PHACTR1: variants seen among roughly 807,000 people sequenced by gnomAD.
PHACTR1 encodes the protein phosphatase and actin regulator 1.
Under a neutral mutation model 69.2 loss-of-function variants are expected in PHACTR1, and 16 were observed. The observed-to-expected ratio is 0.23, with a 90% CI of 0.16 to 0.35. The LOEUF (loss-of-function observed/expected upper bound fraction) is 0.35. PHACTR1 is among the 10% of genes least tolerant of loss of function. The pLI, the probability that PHACTR1 is intolerant of heterozygous loss-of-function variation, is 1.00. For missense variants in PHACTR1, 510 were observed against 734.7 expected (o/e 0.69, Z 3.54); for synonymous variants, 312 against 284.5 (o/e 1.10, Z -0.97).
Position 13,205,982 on chromosome 6 carries a change from GTCCTGCCCTCCCAGATCCAGCACCA to G in PHACTR1, c.833_857del (p.Val278GlyfsTer27), listed in dbSNP as rs1466494353. The G allele has an allele frequency of 1.9e-6, 3 of 1,613,894 alleles. No homozygotes were observed. Among genetic ancestry groups the G allele is most frequent in the African/African-American group, 1.3e-5 (1 of 74,922 alleles). ...GGGTGTGGCCCAGCACCACCACACTGTCCTGCCCTCCCAGATCCAGCACCAGCTGCAGTACGGCAGCCACGGCCAG... is the reference window on the plus strand; with the variant it reads ...GGGTGTGGCCCAGCACCACCACACTGGCTGCAGTACGGCAGCCACGGCCAG... On this transcript the variant is annotated frameshift_variant, in exon 8 of 15. Transcript: ENST00000332995. LOFTEE classifies it high-confidence loss of function.
chr6:12,804,445 G>A (rs907646349), intron 4 of PHACTR1, among the ~76,000 whole-genome samples: 2 of 152,146 alleles, frequency 1.3e-5, no homozygotes, highest in African/African-American at 4.8e-5. Context: ...CACCTGAAAA[G>A]GTACAATTCA....
chr6:12,860,679 G>A (rs1780850597), intron 4 of PHACTR1, among the ~76,000 whole-genome samples: 1 of 152,082 alleles, frequency 6.6e-6, no homozygotes, highest in African/African-American at 2.4e-5. Context: ...ACTTTTTAAT[G>A]ATCGCCATTC....
chr6:13,219,155 C>G (rs367930915), intron 8 of PHACTR1, among the ~76,000 whole-genome samples: 2 of 152,284 alleles, frequency 1.3e-5, no homozygotes, highest in South Asian at 4.2e-4. Flanking sequence ...CTTTTATTGA[C>G]TCGGGACTGC....
chr6:13,037,315 C>T (rs899392348), intron 4 of PHACTR1, among the ~76,000 whole-genome samples: 3 of 152,152 alleles, frequency 2.0e-5, no homozygotes, highest in African/African-American at 7.2e-5. Context: ...GGCACCCCCC[C>T]AAACTCCCCA....
At chr6:13,028,705 C>T (rs943663471) in intron 4 of PHACTR1, among the ~76,000 whole-genome samples, 30 of 152,194 alleles carry the variant, frequency 2.0e-4, no homozygotes, top group African/African-American at 5.3e-4. Context: ...ATGCCAGTAG[C>T]ACCCACCTCC....
chr6:13,125,122 G>A (rs1432735259), intron 5 of PHACTR1, among the ~76,000 whole-genome samples: 3 of 152,174 alleles, frequency 2.0e-5, no homozygotes, highest in Admixed American at 6.5e-5. Flanking sequence ...AAACTTTCAC[G>A]GCTGGGAAGC....
chr6:13,078,186 A>G (rs936185673), intron 5 of PHACTR1, among the ~76,000 whole-genome samples: 12 of 151,992 alleles, frequency 7.9e-5, no homozygotes, highest in African/African-American at 2.9e-4. Context: ...GGCTGTGAGG[A>G]AGAATCTGTT....
At chr6:13,034,186 T>C (rs1246323732) in intron 4 of PHACTR1, among the ~76,000 whole-genome samples, 1 of 151,568 alleles carries the variant, frequency 6.6e-6, no homozygotes, top group Non-Finnish European at 1.5e-5. Context: ...CCTGGCTAAT[T>C]TTTTGTATTT....
At chr6:12,909,426 C>A (rs1194764957) in intron 4 of PHACTR1, among the ~76,000 whole-genome samples, 2 of 152,140 alleles carry the variant, frequency 1.3e-5, no homozygotes, top group Non-Finnish European at 2.9e-5. Context: ...TCTGCAAATG[C>A]TGAGTTGTGA....
At chr6:13,113,469 G>T (rs996476284) in intron 5 of PHACTR1, among the ~76,000 whole-genome samples, 1 of 152,038 alleles carries the variant, frequency 6.6e-6, no homozygotes, top group Non-Finnish European at 1.5e-5. Context: ...CATTAGACTC[G>T]GTTAATAATT....
chr6:12,749,577 C>T (rs1224902249), intron 3 of PHACTR1, 67 bp from the exon 4 acceptor site: 2 of 743,508 alleles, frequency 2.7e-6, no homozygotes, highest in Non-Finnish European at 4.0e-6. Context: ...CGTGCGCGAG[C>T]CTCTTCCTCT....
At chr6:13,142,009 A>T (rs1254960375) in intron 5 of PHACTR1, among the ~76,000 whole-genome samples, 1 of 152,154 alleles carries the variant, frequency 6.6e-6, no homozygotes, top group South Asian at 2.1e-4. Flanking sequence ...ACGTCTTGCC[A>T]TGCAAGGGGA....
In PHACTR1 at chr6:13,157,871, ATCTTT is replaced by A. The variant is rs113959573; in HGVS notation, c.416-2311_416-2307del. Among the ~76,000 whole-genome samples the A allele has an allele frequency of 4.3e-3, 632 of 147,976 alleles. 1 individual carries two copies. The highest frequency in any genetic ancestry group is 0.014 in the African/African-American group (555 of 38,534). On this transcript the variant is annotated intron_variant, in intron 5 of 14. Coordinates refer to ENST00000332995, the MANE Select transcript of PHACTR1 (RefSeq NM_030948.6). ...GCTGTGCTGCTGTGCTGCTTAGCAG[ATCTTT>A]TCTTTTCTTTTCTTTTCTTTTTTTG...
At chr6:13,272,590 C>A in intron 10 of PHACTR1, 1 of 893,898 alleles carries the variant, frequency 1.1e-6, no homozygotes, top group Non-Finnish European at 1.6e-6. Context: ...GTCCACTTGC[C>A]TGGGGCCACT....
At chr6:12,933,575 T>C in intron 4 of PHACTR1, 1 of 1,593,076 alleles carries the variant, frequency 6.3e-7, no homozygotes, top group Non-Finnish European at 8.6e-7. Context: ...TCTTGTTATC[T>C]CTTTGTTATC....
chr6:13,272,556 G>C (rs374592555), intron 10 of PHACTR1: 23 of 605,410 alleles, frequency 3.8e-5, no homozygotes, highest in Non-Finnish European at 5.9e-5. Flanking sequence ...CTTCTGTGAA[G>C]AAAAGAGTCC....
intron 4 of PHACTR1, chr6:12,957,842 CACGGCCGGGAAGGAAGGCG>C (rs1792096122): frequency 1.0e-6 from 1 of 985,522 alleles, no homozygotes; most frequent in East Asian, 1.1e-4. Flanking sequence ...AGGGAATTGG[CACGGCCGGGAAGGAAGGCG>C]AAGGGGCTGC....
At chr6:13,199,359 G>C (rs1764865040) in intron 7 of PHACTR1, among the ~76,000 whole-genome samples, 1 of 128,550 alleles carries the variant, frequency 7.8e-6, no homozygotes. Flanking sequence ...ACTCCAGCCT[G>C]GGCGACAAAG....
At chr6:13,248,283 C>T (rs1297808733) in intron 10 of PHACTR1, among the ~76,000 whole-genome samples, 1 of 152,194 alleles carries the variant, frequency 6.6e-6, no homozygotes, top group African/African-American at 2.4e-5. Context: ...CAGGAGGAAA[C>T]CGTAAATGCA....
Sources: gnomAD v4.1 joint callset for allele counts (sites outside exome capture counted in the v4.1 genomes callset) on GRCh38, gnomAD v4.1.1 for gene constraint, MANE v1.5 for transcripts, NCBI Gene and HGNC (gene_info 2026-07-23, HGNC 2026-07-21) for gene names.